The following GABRA3 variants were observed in gnomAD, a reference collection of about 807,000 sequenced individuals.
GABRA3 encodes the protein gamma-aminobutyric acid type A receptor subunit alpha3.
Under a neutral mutation model 30.1 loss-of-function variants are expected in GABRA3, and 10 were observed. That is an observed-to-expected ratio of 0.33 (90% CI 0.20 to 0.56). The LOEUF is 0.56. GABRA3 is among the 20% of genes least tolerant of loss of function. GABRA3 has a pLI of 0.89. For missense variants in GABRA3, 233 were observed against 392.0 expected, an observed-to-expected ratio of 0.59 and a Z score of 3.42; for synonymous variants, 151 against 146.8, an observed-to-expected ratio of 1.03 and a Z score of -0.21.
rs981911310 is a variant in GABRA3, at chrX:152,225,827, G to A, written c.552-982C>T. Among the ~76,000 whole-genome samples the A allele has an allele frequency of 5.5e-5, 6 of 109,694 alleles. No individual in the cohort carries two copies. The Admixed American group carries it at 5.9e-4, about 11-fold the overall frequency. On this transcript the variant is annotated intron_variant, in intron 5 of 9. Coordinates refer to ENST00000370314, the MANE Select transcript of GABRA3 (RefSeq NM_000808.4). ...CTTCTAACTAGCCTTTATACTTCCTGGTTATATTGGACTCAACCTCTGCCA... is the reference window on the plus strand; with the variant it reads ...CTTCTAACTAGCCTTTATACTTCCTAGTTATATTGGACTCAACCTCTGCCA...
intron 1 of GABRA3, among the ~76,000 whole-genome samples, chrX:152,432,816 T>A (rs1188714430): frequency 1.8e-5 from 2 of 111,426 alleles, no homozygotes; most frequent in Non-Finnish European, 3.8e-5. Flanking sequence ...ATTGGTAATA[T>A]CAACCTAAGA....
chrX:152,392,541 A>G (rs113259906), intron 1 of GABRA3, among the ~76,000 whole-genome samples: 2,503 of 111,978 alleles, frequency 0.022, 32 homozygotes, highest in South Asian at 0.059. Context: ...AAAATTAGCC[A>G]GGGCTCACTT....
Position 152,275,208 on chromosome X carries a change from A to ATTATATATATAATTTATATT in GABRA3, c.330+9459_330+9460insAATATAAATTATATATATAA, listed in dbSNP as rs751082409. 2.7e-4 allele frequency among the ~76,000 whole-genome samples: 14 copies of ATTATATATATAATTTATATT among 50,971 alleles called. 1 individual carries two copies. The highest frequency in any genetic ancestry group is 1.9e-3 in the African/African-American group (14 of 7,558). The allele number at this position is 50,971 out of a possible 115,157, so 44.3% of individuals were successfully genotyped here. ...AATATTATATATATAATTTATATAT[A>ATTATATATATAATTTATATT]TAATATTATATATATATAATTTATA... On this transcript the variant is annotated intron_variant, in intron 4 of 9. Transcript: ENST00000370314.
At chrX:152,310,522 G>T (rs371052353) in intron 3 of GABRA3, among the ~76,000 whole-genome samples, 8 of 111,132 alleles carry the variant, frequency 7.2e-5, no homozygotes, top group African/African-American at 2.6e-4. Flanking sequence ...AATATACAAA[G>T]ATATGACACA....
chrX:152,436,376 G>T (rs930225093), intron 1 of GABRA3, among the ~76,000 whole-genome samples: 1 of 111,752 alleles, frequency 8.9e-6, no homozygotes, highest in Non-Finnish European at 1.9e-5. Flanking sequence ...TTGGGTAGCT[G>T]CCTGGCCTCT....
rs758496898 is a variant in GABRA3 at position 152,226,719 on chromosome X, G to A, written c.552-1874C>T. On this transcript the variant is annotated intron_variant, in intron 5 of 9. Coordinates refer to ENST00000370314, the MANE Select transcript of GABRA3 (RefSeq NM_000808.4). Reference sequence around the variant, plus strand: ...CAAACAACCCCATCAACAAGTGGGCGAAGGATATGAACAGACACTTCTCAA... The same window carrying A: ...CAAACAACCCCATCAACAAGTGGGCAAAGGATATGAACAGACACTTCTCAA... Among the ~76,000 whole-genome samples, 70 of 111,356 alleles carry A rather than the reference G, an allele frequency of 6.3e-4. No homozygotes were observed. In the South Asian group the frequency reaches 0.014, roughly 22 times the overall value.
At chrX:152,238,924 T>C (rs1230249740) in intron 5 of GABRA3, among the ~76,000 whole-genome samples, 1 of 111,646 alleles carries the variant, frequency 9.0e-6, no homozygotes, top group African/African-American at 3.3e-5. Flanking sequence ...ATCAATTTTG[T>C]TGATCCTTTC....
At chrX:152,223,415 T>A (rs763822599) in intron 6 of GABRA3, among the ~76,000 whole-genome samples, 1 of 111,659 alleles carries the variant, frequency 9.0e-6, no homozygotes. Flanking sequence ...AGTCAGATAA[T>A]GCCATTCTTT....
chrX:152,279,506 T>C (rs902140749), intron 4 of GABRA3, among the ~76,000 whole-genome samples: 9 of 111,901 alleles, frequency 8.0e-5, no homozygotes, highest in African/African-American at 2.9e-4. Flanking sequence ...CTGTTTTGGT[T>C]ACTGTAGCTT....
intron 9 of GABRA3, among the ~76,000 whole-genome samples, chrX:152,179,048 G>T (rs1937110716): frequency 8.9e-6 from 1 of 111,921 alleles, no homozygotes; most frequent in South Asian, 3.7e-4. Context: ...CATTATAAAT[G>T]ACTGTATAAA....
chrX:152,441,408 T>C (rs1221761041), intron 1 of GABRA3, among the ~76,000 whole-genome samples: 1 of 111,894 alleles, frequency 8.9e-6, no homozygotes, highest in Admixed American at 9.5e-5. Flanking sequence ...AGGATGTCAA[T>C]TCTTCTTCAA....
At chrX:152,319,786 A>G (rs780599291) in intron 3 of GABRA3, among the ~76,000 whole-genome samples, 39 of 111,723 alleles carry the variant, frequency 3.5e-4, no homozygotes, top group Non-Finnish European at 5.7e-4. Flanking sequence ...GAGTAAACAG[A>G]CAACCCACAG....
At chrX:152,251,026 C>A in intron 5 of GABRA3, 1 of 265,532 alleles carries the variant, frequency 3.8e-6, no homozygotes, top group African/African-American at 2.9e-5. Flanking sequence ...CTAGGTGAAT[C>A]AATTGTGGGG....
intron 1 of GABRA3, among the ~76,000 whole-genome samples, chrX:152,409,091 G>A (rs1173301385): frequency 8.9e-6 from 1 of 111,911 alleles, no homozygotes; most frequent in Non-Finnish European, 1.9e-5. Context: ...GGTGGCTCAT[G>A]CCTGTAATTC....
intron 6 of GABRA3, among the ~76,000 whole-genome samples, chrX:152,217,929 T>A (rs889464136): frequency 7.0e-4 from 77 of 110,047 alleles, no homozygotes; most frequent in African/African-American, 2.3e-3. Context: ...TAGATTTTTT[T>A]ATTTTCTTTA....
intron 8 of GABRA3, among the ~76,000 whole-genome samples, chrX:152,196,431 A>AAAGG (rs371088098): frequency 7.8e-4 from 85 of 108,698 alleles, no homozygotes; most frequent in Non-Finnish European, 1.4e-3. Context: ...AGAAAGAAAG[A>AAAGG]AAGGAAGGAA....
chrX:152,444,180 A>G (rs1931006161), intron 1 of GABRA3, among the ~76,000 whole-genome samples: 1 of 111,469 alleles, frequency 9.0e-6, no homozygotes, highest in South Asian at 3.8e-4. Flanking sequence ...AATATACTCA[A>G]TTTTTTAAAT....
chrX:152,260,077 A>G (rs1004640554), intron 4 of GABRA3, among the ~76,000 whole-genome samples: 32 of 110,042 alleles, frequency 2.9e-4, no homozygotes, highest in Non-Finnish European at 4.4e-4. Context: ...TTTGGGCCTT[A>G]AGGGAACATC....
intron 2 of GABRA3, among the ~76,000 whole-genome samples, chrX:152,361,856 T>A (rs1928517943): frequency 8.9e-6 from 1 of 111,771 alleles, no homozygotes; most frequent in African/African-American, 3.2e-5. Context: ...TTGTTTAGGA[T>A]TATAAGAAAA....
Sources: allele counts gnomAD v4.1 joint callset (sites outside exome capture counted in the v4.1 genomes callset), GRCh38; gene constraint gnomAD v4.1.1; transcripts MANE v1.5; gene names NCBI Gene and HGNC (gene_info 2026-07-23, HGNC 2026-07-21).